Variants in BAALC observed in about 807,000 individuals in gnomAD.
The protein encoded by BAALC is brain and acute leukemia cytoplasmic protein.
BAALC carries 9 observed loss-of-function variants against 15.5 expected under a neutral mutation model. That is an observed-to-expected ratio of 0.58 (90% CI 0.35 to 1.02). The LOEUF (loss-of-function observed/expected upper bound fraction) is 1.02. BAALC is among the 50% of genes least tolerant of loss of function. The probability of loss-of-function intolerance (pLI) is 0.02; values close to 1 mark genes in which losing one functional copy is unlikely to be tolerated. For synonymous variants in BAALC, 80 were observed against 74.6 expected (o/e 1.07, Z -0.37); for missense variants, 201 against 192.4 (o/e 1.04, Z -0.27).
intron 1 of BAALC, among the ~76,000 whole-genome samples, chr8:103,153,841 G>A (rs994801700): frequency 9.8e-5 from 15 of 152,318 alleles, no homozygotes; most frequent in Admixed American, 5.2e-4. Flanking sequence ...ACTTTAGGGC[G>A]TTAAGAAACT....
intron 1 of BAALC, among the ~76,000 whole-genome samples, chr8:103,188,711 G>T (rs913964896): frequency 6.6e-6 from 1 of 152,150 alleles, no homozygotes; most frequent in Non-Finnish European, 1.5e-5. Context: ...TCAGGCACAT[G>T]CTCCCCTTCC....
At chr8:103,146,141 C>T (rs1399094211) in intron 1 of BAALC, among the ~76,000 whole-genome samples, 1 of 152,210 alleles carries the variant, frequency 6.6e-6, no homozygotes, top group African/African-American at 2.4e-5. Flanking sequence ...ATGGTCCATA[C>T]TAGAAGGGCA....
At chr8:103,149,605 G>A (rs996461929) in intron 1 of BAALC, among the ~76,000 whole-genome samples, 1 of 152,144 alleles carries the variant, frequency 6.6e-6, no homozygotes, top group Non-Finnish European at 1.5e-5. Flanking sequence ...CGGATGGGGG[G>A]ATGGGAAAAA....
At chr8:103,191,791 C>A (rs1246498863) in intron 1 of BAALC, among the ~76,000 whole-genome samples, 1 of 152,124 alleles carries the variant, frequency 6.6e-6, no homozygotes, top group African/African-American at 2.4e-5. Context: ...TTTGCAGGCA[C>A]TTGTCAAAAG....
chr8:103,198,184 T>C, intron 1 of BAALC: 1 of 698,822 alleles, frequency 1.4e-6, no homozygotes, highest in Non-Finnish European at 2.6e-6. Context: ...GACTTTTTTT[T>C]GTAAAATAGG....
At chr8:103,219,463 A>G (rs1383973092) in intron 2 of BAALC, 1 of 152,330 alleles carries the variant, frequency 6.6e-6, no homozygotes, top group Non-Finnish European at 1.5e-5. Flanking sequence ...TTTCTAAAGC[A>G]GGTTCTGCTG....
intron 1 of BAALC, among the ~76,000 whole-genome samples, chr8:103,211,706 G>A (rs1249047753): frequency 6.6e-6 from 1 of 152,140 alleles, no homozygotes; most frequent in Non-Finnish European, 1.5e-5. Flanking sequence ...AGCAGGGATG[G>A]GAACTACTAT....
At chr8:103,200,781 T>C in intron 1 of BAALC, 1 of 680,012 alleles carries the variant, frequency 1.5e-6, no homozygotes, top group South Asian at 1.6e-5. Context: ...ATGAGCTCCC[T>C]TCAACCTCTT....
chr8:103,197,654 T>C (rs1812124739), intron 1 of BAALC, among the ~76,000 whole-genome samples: 1 of 152,176 alleles, frequency 6.6e-6, no homozygotes, highest in Non-Finnish European at 1.5e-5. Context: ...ACAGAAAGCA[T>C]GGTACTGTCA....
intron 1 of BAALC, among the ~76,000 whole-genome samples, chr8:103,176,482 A>G (rs1413525742): frequency 6.6e-6 from 1 of 151,836 alleles, no homozygotes; most frequent in East Asian, 1.9e-4. Context: ...AAAAAAAGAG[A>G]GAGGAGAGGG....
In BAALC at chr8:103,140,775, C is replaced by A. The variant is rs539512890; in HGVS notation, c.-123C>A. 8 of 876,640 alleles carry A rather than the reference C, an allele frequency of 9.1e-6. No individual in the cohort carries two copies. In the African/African-American group the frequency reaches 1.4e-4, roughly 16 times the overall value. The allele number at this position is 876,640 out of a possible 1,614,324, so 54.3% of individuals were successfully genotyped here. A position where few individuals can be genotyped will look rare whatever the true frequency, so the allele number is the denominator to read the frequency against. ...GAGCTCCGCGCGGCTGCAGCGCGGG[C>A]GGGAGCGGGGACGCGATGTCGCCGC... On this transcript the variant is annotated 5_prime_UTR_variant, in exon 1 of 3. Coordinates refer to ENST00000309982, the MANE Select transcript of BAALC (RefSeq NM_024812.3). This position sits in a 1 kb window ranked among gnomAD's most constrained non-coding sequence, Gnocchi z 4.2.
At chr8:103,150,316 T>C (rs1810957482) in intron 1 of BAALC, among the ~76,000 whole-genome samples, 1 of 150,888 alleles carries the variant, frequency 6.6e-6, no homozygotes, top group Non-Finnish European at 1.5e-5. Flanking sequence ...AACCATATCA[T>C]GGATATAGAA....
At chr8:103,142,737 T>C (rs2454014) in intron 1 of BAALC, among the ~76,000 whole-genome samples, 77,700 of 152,020 alleles carry the variant, frequency 0.51, 19,885 homozygotes, top group East Asian at 0.56. Context: ...GAAAGAGTTA[T>C]TATGGGATGG....
chr8:103,149,220 C>T (rs192426069), intron 1 of BAALC, among the ~76,000 whole-genome samples: 16 of 152,220 alleles, frequency 1.1e-4, no homozygotes, highest in Admixed American at 2.6e-4. Flanking sequence ...AACCATTTAG[C>T]GTGGGAGCCT....
chr8:103,209,371 GA>G (rs1160174464), intron 1 of BAALC, among the ~76,000 whole-genome samples: 2 of 151,618 alleles, frequency 1.3e-5, no homozygotes, highest in East Asian at 1.9e-4. Context: ...GACTCCATCT[GA>G]AAAAAAACAA....
chr8:103,165,503 G>C (rs1172496539), intron 1 of BAALC: 1 of 152,184 alleles, frequency 6.6e-6, no homozygotes, highest in Non-Finnish European at 1.5e-5. Flanking sequence ...GAAGAAGCTT[G>C]GAGCTGAAAA....
At chr8:103,157,257 T>A (rs1260834005) in intron 1 of BAALC, among the ~76,000 whole-genome samples, 3 of 152,146 alleles carry the variant, frequency 2.0e-5, no homozygotes, top group Non-Finnish European at 2.9e-5. Context: ...AGACATTTTT[T>A]AATATAACAT....
rs568362957 is a variant in BAALC, at chr8:103,201,380, G to T, written c.161-11539G>T. Among the ~76,000 whole-genome samples the T allele has an allele frequency of 3.1e-4, 47 of 152,134 alleles. 1 individual carries two copies. Among genetic ancestry groups the T allele is most frequent in the Admixed American group, 8.5e-4 (13 of 15,286 alleles). ...CCCTAGGGGAGCATTCCATGGTAAG[G>T]TTGCTGCTTGTTGGGATTGTACAGG... On this transcript the variant is annotated intron_variant, in intron 1 of 2. Coordinates refer to ENST00000309982, the MANE Select transcript of BAALC (RefSeq NM_024812.3).
chr8:103,153,029 A>T (rs893832655), intron 1 of BAALC: 1 of 152,222 alleles, frequency 6.6e-6, no homozygotes, highest in Admixed American at 6.5e-5. Context: ...CTGGGCTACA[A>T]GGGTGTCTAG....
Sources: allele counts gnomAD v4.1 joint callset (sites outside exome capture counted in the v4.1 genomes callset), GRCh38; gene constraint gnomAD v4.1.1; non-coding constraint Gnocchi (gnomAD v3.1); transcripts MANE v1.5; gene names NCBI Gene and HGNC (gene_info 2026-07-23, HGNC 2026-07-21).